The following TEX9 variants were observed in gnomAD, a reference collection of about 807,000 sequenced individuals.
The protein encoded by TEX9 is testis expressed 9.
TEX9 carries 74 observed loss-of-function variants against 59.6 expected under a neutral mutation model. That is an observed-to-expected ratio of 1.24 (90% CI 1.03 to 1.51). TEX9 has a LOEUF of 1.51. Among genes scored for constraint, TEX9 ranks in the 40% most tolerant of loss-of-function variants. The pLI, the probability that TEX9 is intolerant of heterozygous loss-of-function variation, is 0.00. For synonymous variants in TEX9, 186 were observed against 152.2 expected (o/e 1.22, Z -1.64); for missense variants, 522 against 447.8 (o/e 1.17, Z -1.49).
intron 12 of TEX9, among the ~76,000 whole-genome samples, chr15:56,431,740 A>G (rs1197966301): frequency 4.6e-5 from 7 of 152,030 alleles, no homozygotes; most frequent in Admixed American, 1.3e-4. Flanking sequence ...TATTTTCAGG[A>G]AAGTGTCTTC....
At chr15:56,401,824 AACTC>A in intron 9 of TEX9, among the ~76,000 whole-genome samples, 1 of 152,370 alleles carries the variant, frequency 6.6e-6, no homozygotes, top group East Asian at 1.9e-4. Context: ...AGGATTAAGA[AACTC>A]ACTCAAAACC....
Position 56,394,728 on chromosome 15 carries a change from GAAC to G in TEX9, c.725_727del (p.Thr242del), listed in dbSNP as rs758829023. The stretch of plus-strand genomic sequence containing the variant: ...GAAGAAGATTTTATGAGACAGCAGC[GAAC>G]AATTAATATGCAACAGTCTCAAGTA... On this transcript the variant is annotated inframe_deletion, in exon 9 of 13. Transcript: ENST00000352903. 17 of 1,610,944 alleles carry G rather than the reference GAAC, an allele frequency of 1.1e-5. No homozygotes were observed. In the South Asian group the frequency reaches 1.8e-4, roughly 17 times the overall value.
At chr15:56,248,168 AGAG>A (rs1408237201) in intron 1 of TEX9, among the ~76,000 whole-genome samples, 8 of 152,190 alleles carry the variant, frequency 5.3e-5, no homozygotes, top group African/African-American at 1.9e-4. Context: ...GAGGGAGTGA[AGAG>A]GAGAAAAATA....
intron 1 of TEX9, among the ~76,000 whole-genome samples, chr15:56,290,764 C>T (rs565284028): frequency 9.2e-5 from 14 of 152,068 alleles, no homozygotes; most frequent in Admixed American, 7.2e-4. Context: ...GACCAGCAAT[C>T]CTTTCTATGT....
At chr15:56,436,818 T>C (rs1055932653) in intron 12 of TEX9, among the ~76,000 whole-genome samples, 5 of 152,094 alleles carry the variant, frequency 3.3e-5, no homozygotes, top group South Asian at 4.1e-4. Context: ...GAGAATACTA[T>C]AAACACCTCT....
At chr15:56,297,941 A>G (rs931182009) in intron 1 of TEX9, among the ~76,000 whole-genome samples, 1 of 152,220 alleles carries the variant, frequency 6.6e-6, no homozygotes, top group South Asian at 2.1e-4. Context: ...CATTTTACAC[A>G]TAGTAGGCAC....
intron 1 of TEX9, among the ~76,000 whole-genome samples, chr15:56,253,896 C>G (rs2141309467): frequency 6.6e-6 from 1 of 152,112 alleles, no homozygotes; most frequent in East Asian, 1.9e-4. Flanking sequence ...AGACTTGCCC[C>G]TCAGAGAATT....
chr15:56,415,317 A>G (rs567005236), intron 10 of TEX9, among the ~76,000 whole-genome samples: 19 of 151,936 alleles, frequency 1.3e-4, no homozygotes, highest in African/African-American at 3.9e-4. Context: ...GCCCGTTCCT[A>G]TGTCCAAAAT....
rs183040358 is a variant in TEX9, at chr15:56,411,028, A to G, written c.829-1274A>G. 9.4e-4 allele frequency among the ~76,000 whole-genome samples: 143 copies of G among 152,328 alleles called. 1 individual carries two copies. The highest frequency in any genetic ancestry group is 6.8e-3 in the Middle Eastern group (2 of 294). ...TTAATTACTCAGAGCCAGGGAGACC[A>G]GTTTTTAAATAAAATGTAGTGATAT... On this transcript the variant is annotated intron_variant, in intron 9 of 12. Transcript: ENST00000352903.
chr15:56,339,890 A>G (rs987286491), intron 1 of TEX9, among the ~76,000 whole-genome samples: 6 of 152,028 alleles, frequency 3.9e-5, no homozygotes, highest in Non-Finnish European at 5.9e-5. Context: ...CGCTCACCAG[A>G]TACTGAATCT....
intron 9 of TEX9, among the ~76,000 whole-genome samples, chr15:56,398,929 C>T (rs2048624816): frequency 6.6e-6 from 1 of 152,110 alleles, no homozygotes; most frequent in Admixed American, 6.5e-5. Flanking sequence ...GTCAGGAGAT[C>T]GAGACCATCC....
At chr15:56,451,627 C>A in the TEX9 span, among the ~76,000 whole-genome samples, 2 of 152,052 alleles carry the variant, frequency 1.3e-5, no homozygotes, top group African/African-American at 4.8e-5. Context: ...AAAATACTTT[C>A]TAATTTCAAT....
chr15:56,399,569 A>C (rs1202662297), intron 9 of TEX9, among the ~76,000 whole-genome samples: 2 of 152,234 alleles, frequency 1.3e-5, no homozygotes, highest in African/African-American at 4.8e-5. Flanking sequence ...ACTTCTGCAG[A>C]CTTAAACGTC....
rs561542184 is a variant in TEX9, at chr15:56,394,688, C to T, written c.682C>T (p.Gln228Ter). 1.9e-6 allele frequency: 3 copies of T among 1,603,902 alleles called. No homozygotes were observed. Among genetic ancestry groups the T allele is most frequent in the Non-Finnish European group, 1.7e-6 (2 of 1,174,416 alleles). The change falls in exon 9 of 13, where the codon CAA (glutamine) becomes TAA (stop). Residue 228 changes from glutamine to a stop codon, truncating the protein, a stop_gained. Coordinates refer to ENST00000352903, the Ensembl canonical transcript of TEX9. LOFTEE classifies it high-confidence loss of function. ...GGATGAAATTCAGAATTTAAAGTCT[C>T]AAGTAAAAAATTTTGAAGAAGATTT...
chr15:56,452,522 CTTT>C, the TEX9 span, among the ~76,000 whole-genome samples: 2 of 138,860 alleles, frequency 1.4e-5, no homozygotes, highest in Non-Finnish European at 1.6e-5. Context: ...TTCTTTTTTT[CTTT>C]TTTTTTTTTT....
At chr15:56,359,759 TG>T (rs1409729316) in intron 1 of TEX9, among the ~76,000 whole-genome samples, 1 of 152,134 alleles carries the variant, frequency 6.6e-6, no homozygotes, top group African/African-American at 2.4e-5. Context: ...ATTGTCTTAT[TG>T]CACTAGCTAG....
chr15:56,319,410 T>C (rs1303131371), intron 1 of TEX9, among the ~76,000 whole-genome samples: 1 of 151,872 alleles, frequency 6.6e-6, no homozygotes, highest in Non-Finnish European at 1.5e-5. Flanking sequence ...CAGATCATAG[T>C]GGGCATTTCA....
intron 2 of TEX9, among the ~76,000 whole-genome samples, chr15:56,372,569 A>C (rs1328765861): frequency 6.6e-6 from 1 of 152,202 alleles, no homozygotes; most frequent in African/African-American, 2.4e-5. Flanking sequence ...AGTTCAGTAC[A>C]TTATCTTAAT....
At chr15:56,316,478 G>A (rs2045767266) in intron 1 of TEX9, among the ~76,000 whole-genome samples, 1 of 150,018 alleles carries the variant, frequency 6.7e-6, no homozygotes, top group Admixed American at 6.7e-5. Flanking sequence ...CAGGGGTCAG[G>A]GACCCACTTG....
Sources: gnomAD v4.1 joint callset for allele counts (sites outside exome capture counted in the v4.1 genomes callset) on GRCh38, gnomAD v4.1.1 for gene constraint, MANE v1.5 for transcripts, NCBI Gene and HGNC (gene_info 2026-07-23, HGNC 2026-07-21) for gene names.